RCC2: variants seen among roughly 807,000 people sequenced by gnomAD.
RCC2 encodes the protein regulator of chromosome condensation 2.
A neutral mutation model predicts 64.1 loss-of-function variants in RCC2; 19 were observed. The observed-to-expected ratio is 0.30, with a 90% CI of 0.21 to 0.44. RCC2 has a LOEUF of 0.44. Ranked by LOEUF, RCC2 falls within the 20% of genes least tolerant of loss-of-function variation. The pLI, the probability that RCC2 is intolerant of heterozygous loss-of-function variation, is 1.00. For synonymous variants in RCC2, 325 were observed against 279.6 expected (o/e 1.16, Z -1.62); for missense variants, 508 against 710.4 (o/e 0.72, Z 3.24).
chr1:17,430,908 G>C (rs2075668485), intron 2 of RCC2, among the ~76,000 whole-genome samples: 1 of 151,940 alleles, frequency 6.6e-6, no homozygotes, highest in South Asian at 2.1e-4. Context: ...AGTAGAGACA[G>C]GGTTTCACTA....
chr1:17,438,078 A>T, intron 2 of RCC2, 152 bp downstream of exon 2: 1 of 367,542 alleles, frequency 2.7e-6, no homozygotes. Flanking sequence ...GCGGAGGCGG[A>T]GGCAATGATT....
chr1:17,432,588 C>G (rs2075693466), intron 2 of RCC2, among the ~76,000 whole-genome samples: 1 of 152,240 alleles, frequency 6.6e-6, no homozygotes, highest in Admixed American at 6.5e-5. Flanking sequence ...AGCAAAACTT[C>G]ACAGTGCTGA....
chr1:17,432,937 G>C (rs555583919), intron 2 of RCC2, among the ~76,000 whole-genome samples: 2 of 151,888 alleles, frequency 1.3e-5, no homozygotes, highest in Non-Finnish European at 2.9e-5. Context: ...CAGACTGGGC[G>C]AAAGAGCGAG....
intron 7 of RCC2, among the ~76,000 whole-genome samples, chr1:17,418,765 G>A (rs988935491): frequency 2.6e-5 from 4 of 152,176 alleles, no homozygotes; most frequent in African/African-American, 7.2e-5. Context: ...CGGATATGTC[G>A]CTACTTTTCT....
intron 8 of RCC2, among the ~76,000 whole-genome samples, chr1:17,414,885 C>T (rs972269112): frequency 5.9e-5 from 9 of 152,064 alleles, no homozygotes; most frequent in African/African-American, 2.2e-4. Flanking sequence ...CTCCCAAAGT[C>T]CTCTGATTAC....
chr1:17,435,663 G>A (rs1014017205), intron 2 of RCC2, among the ~76,000 whole-genome samples: 2 of 152,180 alleles, frequency 1.3e-5, no homozygotes, highest in African/African-American at 4.8e-5. Context: ...AAACTTAAAC[G>A]TGGGGCACTT....
At chr1:17,431,449 C>T (rs1393050572) in intron 2 of RCC2, among the ~76,000 whole-genome samples, 1 of 114,368 alleles carries the variant, frequency 8.7e-6, no homozygotes, top group African/African-American at 3.4e-5. Flanking sequence ...GGCGGATCAC[C>T]TGAGGTCAGG....
At chr1:17,431,799 A>C (rs918369039) in intron 2 of RCC2, among the ~76,000 whole-genome samples, 1 of 151,924 alleles carries the variant, frequency 6.6e-6, no homozygotes, top group African/African-American at 2.4e-5. Flanking sequence ...TGCAGTCCTC[A>C]TGAAAAGGGG....
chr1:17,431,359 A>AATATATATATATATATATATATAT (rs71014951), intron 2 of RCC2, among the ~76,000 whole-genome samples: 27 of 44,912 alleles, frequency 6.0e-4, no homozygotes, highest in Non-Finnish European at 8.8e-4. Flanking sequence ...AAAAAAAAAA[A>AATATATATATATATATATATATAT]ATATATATAT....
chr1:17,413,008 T>A (rs1440424475), intron 10 of RCC2, 65 bp downstream of exon 10: 3 of 1,229,310 alleles, frequency 2.4e-6, no homozygotes, highest in Non-Finnish European at 3.6e-6. Flanking sequence ...GGGCACCCCA[T>A]GGGTGTGTCT....
chr1:17,412,391 A>G (rs183344854), intron 10 of RCC2, among the ~76,000 whole-genome samples, 197 bp from the exon 11 acceptor site: 307 of 152,324 alleles, frequency 2.0e-3, no homozygotes, highest in Non-Finnish European at 3.3e-3. Flanking sequence ...CGCTTCAACA[A>G]AACAACAAAG....
chr1:17,439,649 C>G lies in RCC2; in HGVS notation c.-113G>C, dbSNP rs978905741. 1 of 149,736 alleles carries G rather than the reference C, an allele frequency of 6.7e-6. No individual in the cohort carries two copies. Among genetic ancestry groups the G allele is most frequent in the Non-Finnish European group, 1.5e-5 (1 of 67,506 alleles). 9.3% of individuals were successfully genotyped at this position (149,736 alleles called of 1,614,324 possible). On this transcript the variant is annotated 5_prime_UTR_variant, in exon 1 of 13. Transcript: ENST00000375436. Reference sequence around the variant, plus strand: ...CGGCCCAGACGAGGGCTCCAGCCCACTCACCAGATACACTTAAAATGTAAA... The same window carrying G: ...CGGCCCAGACGAGGGCTCCAGCCCAGTCACCAGATACACTTAAAATGTAAA...
At chr1:17,413,269 T>C (rs1265325194) in intron 9 of RCC2, 91 bp from the exon 10 acceptor site, 2 of 1,010,784 alleles carry the variant, frequency 2.0e-6, no homozygotes, top group Admixed American at 2.0e-5. Flanking sequence ...GAGGACGGGA[T>C]GGCAAACAAG....
chr1:17,416,431 C>T (rs1000800631), intron 8 of RCC2, 49 bp downstream of exon 8: 2 of 1,561,308 alleles, frequency 1.3e-6, no homozygotes, highest in Non-Finnish European at 1.7e-6. Flanking sequence ...CATAAACACC[C>T]CTTCCATCCT....
chr1:17,414,547 CGAAACAAAAAAA>C (rs1557622350), intron 8 of RCC2, among the ~76,000 whole-genome samples: 195 of 115,294 alleles, frequency 1.7e-3, no homozygotes, highest in African/African-American at 6.2e-3. Context: ...AAAAACAAAA[CGAAACAAAAAAA>C]AAAACACAAC....
rs1030937994 is a variant in RCC2, at chr1:17,420,128, C to A, written c.859+586G>T. ...CACTTCAGGGAACCGCACTTAGGGT[C>A]CGATGGGAAGGAGAATGGAGACCAT... On this transcript the variant is annotated intron_variant, in intron 7 of 12. Coordinates refer to ENST00000375436, the MANE Select transcript of RCC2 (RefSeq NM_018715.4). 2.8e-4 allele frequency among the ~76,000 whole-genome samples: 42 copies of A among 152,306 alleles called. 1 individual carries two copies. Among genetic ancestry groups the A allele is most frequent in the African/African-American group, 8.2e-4 (34 of 41,586 alleles).
rs1309526469 is a variant in RCC2, at chr1:17,425,788, GGT to G, written c.380-106_380-105del. 5 of 1,214,602 alleles carry G rather than the reference GGT, an allele frequency of 4.1e-6. No homozygotes were observed. In the African/African-American group the frequency reaches 6.0e-5, roughly 15 times the overall value. The allele number at this position is 1,214,602 out of a possible 1,614,324, so 75.2% of individuals were successfully genotyped here. The stretch of plus-strand genomic sequence containing the variant: ...CCACTTCCCGAGGGTACCAGGGACA[GGT>G]GTTCCTCGGGTGCCACCCTGCCTTG... On this transcript the variant is annotated intron_variant, in intron 3 of 12. Transcript: ENST00000375436.
chr1:17,415,895 CCT>C lies in RCC2; in HGVS notation c.1026+583_1026+584del, dbSNP rs574867993. Among the ~76,000 whole-genome samples, 114 of 151,746 alleles carry C rather than the reference CCT, an allele frequency of 7.5e-4. 1 individual carries two copies. The highest frequency in any genetic ancestry group is 2.7e-3 in the African/African-American group (110 of 41,362). On this transcript the variant is annotated intron_variant, in intron 8 of 12. Transcript: ENST00000375436. ...ACCAGCCTGACCAACATGGAGAAAC[CCT>C]GTCTCTACTGAAAATACAAAACTAG...
intron 2 of RCC2, among the ~76,000 whole-genome samples, chr1:17,429,509 C>G (rs570217700): frequency 2.0e-5 from 3 of 152,224 alleles, no homozygotes; most frequent in African/African-American, 7.2e-5. Context: ...CCTTCGCAAA[C>G]TGATGTACAG....
Sources: gnomAD v4.1 joint callset for allele counts (sites outside exome capture counted in the v4.1 genomes callset) on GRCh38, gnomAD v4.1.1 for gene constraint, MANE v1.5 for transcripts, NCBI Gene and HGNC (gene_info 2026-07-23, HGNC 2026-07-21) for gene names.